ATRNL1: variants seen among roughly 807,000 people sequenced by gnomAD.
ATRNL1 encodes attractin-like protein 1.
Under a neutral mutation model 182.7 loss-of-function variants are expected in ATRNL1, and 95 were observed. The ratio of observed to expected loss-of-function variants is 0.52; its 90% CI spans 0.44 to 0.62. ATRNL1 has a LOEUF of 0.62. Among genes scored for constraint, ATRNL1 ranks in the 20% least tolerant of loss-of-function variants. ATRNL1 has a pLI of 0.00. For missense variants in ATRNL1, 1,471 were observed against 1,679.5 expected (o/e 0.88, Z 2.17); for synonymous variants, 576 against 568.3 (o/e 1.01, Z -0.19).
At chr10:115,536,734 G>C (rs944577628) in intron 25 of ATRNL1, among the ~76,000 whole-genome samples, 1 of 152,190 alleles carries the variant, frequency 6.6e-6, no homozygotes, top group African/African-American at 2.4e-5. Flanking sequence ...GACCGGAGCT[G>C]TTCCTATTCA....
intron 18 of ATRNL1, among the ~76,000 whole-genome samples, chr10:115,323,986 C>G (rs1342368753): frequency 6.7e-6 from 1 of 150,238 alleles, no homozygotes; most frequent in East Asian, 2.0e-4. Context: ...ACCGTGTTAG[C>G]CAGGATGGTC....
At chr10:115,790,732 CT>C (rs1431666758) in intron 27 of ATRNL1, among the ~76,000 whole-genome samples, 2 of 151,392 alleles carry the variant, frequency 1.3e-5, no homozygotes, top group African/African-American at 4.9e-5. Context: ...AATATTTCAT[CT>C]GCTTTTCTAG....
At chr10:115,166,271 A>G (rs963661676) in intron 7 of ATRNL1, among the ~76,000 whole-genome samples, 6 of 152,070 alleles carry the variant, frequency 3.9e-5, no homozygotes, top group Admixed American at 3.3e-4. Flanking sequence ...ATTCCATTAT[A>G]TGTATATACC....
intron 27 of ATRNL1, among the ~76,000 whole-genome samples, chr10:115,728,001 C>G (rs992259628): frequency 1.3e-5 from 2 of 150,316 alleles, no homozygotes; most frequent in Non-Finnish European, 3.0e-5. Context: ...TTCGGCCGGG[C>G]GCGGTGGCTC....
At chr10:115,512,304 A>AAATAATCAT (rs1850424037) in intron 24 of ATRNL1, among the ~76,000 whole-genome samples, 1 of 151,904 alleles carries the variant, frequency 6.6e-6, no homozygotes, top group Non-Finnish European at 1.5e-5. Context: ...GCAGTTGGCT[A>AAATAATCAT]AATAATCATT....
At chr10:115,462,099 T>C in intron 22 of ATRNL1, 64 bp downstream of exon 22, 1 of 1,209,394 alleles carries the variant, frequency 8.3e-7, no homozygotes, top group Non-Finnish European at 1.2e-6. Flanking sequence ...TCATATTTCA[T>C]TTGATTTTAC....
intron 26 of ATRNL1, among the ~76,000 whole-genome samples, chr10:115,622,142 G>A (rs113391803): frequency 5.0e-4 from 76 of 152,284 alleles, no homozygotes; most frequent in African/African-American, 1.8e-3. Flanking sequence ...GAGAGTCTCC[G>A]AAGACACTGA....
chr10:115,218,313 G>A (rs1849310447), intron 9 of ATRNL1, among the ~76,000 whole-genome samples: 1 of 152,150 alleles, frequency 6.6e-6, no homozygotes, highest in Admixed American at 6.6e-5. Flanking sequence ...GCTGGAAATA[G>A]AAGCAGGCTT....
chr10:115,303,724 T>G (rs990432327), intron 17 of ATRNL1, among the ~76,000 whole-genome samples: 8 of 152,180 alleles, frequency 5.3e-5, no homozygotes, highest in African/African-American at 1.9e-4. Context: ...TTCCAATACT[T>G]TAACCTGCAG....
chr10:115,522,410 T>G (rs1355975924), intron 25 of ATRNL1, among the ~76,000 whole-genome samples: 2 of 152,144 alleles, frequency 1.3e-5, no homozygotes, highest in Non-Finnish European at 2.9e-5. Flanking sequence ...TCTTGGGAAC[T>G]AATAGAGTGA....
chr10:115,668,541 C>T lies in ATRNL1; in HGVS notation c.3796-58707C>T, dbSNP rs76120213. On this transcript the variant is annotated intron_variant, in intron 26 of 28. Coordinates refer to ENST00000355044, the MANE Select transcript of ATRNL1 (RefSeq NM_207303.4). Reference sequence around the variant, plus strand: ...AAGTTTAACTAACATATCTGTAAGCCATTATTTCAAAATGAAATCTTCTGA... The same window carrying T: ...AAGTTTAACTAACATATCTGTAAGCTATTATTTCAAAATGAAATCTTCTGA... Among the ~76,000 whole-genome samples, 56 of 152,172 alleles carry T rather than the reference C, an allele frequency of 3.7e-4. No homozygotes were observed. In the East Asian group the frequency reaches 0.01, roughly 27 times the overall value.
At chr10:115,445,515 G>A (rs1450842981) in intron 21 of ATRNL1, among the ~76,000 whole-genome samples, 1 of 131,932 alleles carries the variant, frequency 7.6e-6, no homozygotes, top group African/African-American at 3.4e-5. Flanking sequence ...CCGTGTGTGT[G>A]TGTGTGTGTG....
At chr10:115,386,024 C>G (rs937019177) in intron 19 of ATRNL1, among the ~76,000 whole-genome samples, 7 of 150,770 alleles carry the variant, frequency 4.6e-5, no homozygotes, top group Non-Finnish European at 8.9e-5. Flanking sequence ...TTTTTAAATG[C>G]TTTTTTTTTC....
intron 24 of ATRNL1, among the ~76,000 whole-genome samples, chr10:115,518,159 C>T (rs975496288): frequency 3.3e-5 from 5 of 151,848 alleles, no homozygotes; most frequent in African/African-American, 4.8e-5. Flanking sequence ...GCACTGGAAG[C>T]TGGGACAATT....
At chr10:115,941,909 G>T (rs782228912) in intron 28 of ATRNL1, among the ~76,000 whole-genome samples, 3 of 152,134 alleles carry the variant, frequency 2.0e-5, no homozygotes. Flanking sequence ...AAGTTCCCAC[G>T]TGCTCTTCAA....
At chr10:115,218,249 A>T (rs1849307274) in intron 9 of ATRNL1, among the ~76,000 whole-genome samples, 1 of 151,912 alleles carries the variant, frequency 6.6e-6, no homozygotes, top group Non-Finnish European at 1.5e-5. Flanking sequence ...TCTACTCCAT[A>T]ATCTCATTTT....
chr10:115,143,859 T>G (rs1379895854), intron 5 of ATRNL1, among the ~76,000 whole-genome samples: 1 of 152,288 alleles, frequency 6.6e-6, no homozygotes. Context: ...TAACCTTATC[T>G]AAATCTAATT....
intron 19 of ATRNL1, among the ~76,000 whole-genome samples, chr10:115,343,936 C>T (rs576005551): frequency 6.6e-6 from 1 of 152,306 alleles, no homozygotes; most frequent in Admixed American, 6.5e-5. Context: ...TCTGGATTAC[C>T]AGGCAGAGAC....
At chr10:115,489,287 T>G (rs993610473) in intron 24 of ATRNL1, among the ~76,000 whole-genome samples, 6 of 152,138 alleles carry the variant, frequency 3.9e-5, no homozygotes, top group African/African-American at 1.4e-4. Context: ...CCTTGTTAAT[T>G]TTCTGTCTCC....
Sources: gnomAD v4.1 joint callset for allele counts (sites outside exome capture counted in the v4.1 genomes callset) on GRCh38, gnomAD v4.1.1 for gene constraint, MANE v1.5 for transcripts, NCBI Gene and HGNC (gene_info 2026-07-23, HGNC 2026-07-21) for gene names.